Variants in NUP153 observed in about 807,000 individuals in gnomAD.
NUP153 encodes nucleoporin 153.
A neutral mutation model predicts 134.6 loss-of-function variants in NUP153; 27 were observed. That is an observed-to-expected ratio of 0.20 (90% confidence interval 0.15 to 0.28). The LOEUF (loss-of-function observed/expected upper bound fraction) is 0.28, where lower values mean the gene tolerates loss of function less well. NUP153 is among the 10% of genes least tolerant of loss of function. NUP153 has a pLI of 1.00. For missense variants in NUP153, 1,821 were observed against 1,731.3 expected (o/e 1.05, Z -0.92); for synonymous variants, 640 against 623.5 (o/e 1.03, Z -0.40).
In NUP153 at chr6:17,688,510, C is replaced by T. The variant is rs773370651; in HGVS notation, c.220G>A (p.Glu74Lys). The T allele has an allele frequency of 1.5e-5, 24 of 1,613,996 alleles. No homozygotes were observed. Among genetic ancestry groups the T allele is most frequent in the East Asian group, 6.7e-5 (3 of 44,886 alleles). Residue 74 changes from glutamate (E) to lysine (K), a missense_variant, in exon 2 of 22, where the codon GAG (glutamate) becomes AAG (lysine). By Grantham distance (56) the Glu-to-Lys change is moderately conservative (BLOSUM62 1). Transcript: ENST00000262077. ...TTATTTTCTGGCCAGCGTGGAACCT[C>T]GCTTGTGTCTGTTGAACAGCTGCAT... ...DVCSCSTDTS[E>K]VPRWPENKED...
At chr6:17,620,098 A>C (rs1278037459) in intron 20 of NUP153, among the ~76,000 whole-genome samples, 20 of 102,838 alleles carry the variant, frequency 1.9e-4, no homozygotes, top group African/African-American at 7.2e-4. Context: ...ACACCATCAA[A>C]AAAAAAAAAA....
intron 11 of NUP153, among the ~76,000 whole-genome samples, chr6:17,658,462 T>C (rs532018881): frequency 6.6e-6 from 1 of 152,004 alleles, no homozygotes; most frequent in African/African-American, 2.4e-5. Context: ...AAAAACAAAG[T>C]TTGCAAAGGA....
chr6:17,635,083 A>G (rs568743866), intron 16 of NUP153, among the ~76,000 whole-genome samples: 122 of 148,994 alleles, frequency 8.2e-4, no homozygotes, highest in Non-Finnish European at 1.4e-3. Context: ...TGCAGCCCAC[A>G]GGTTGCACAG....
In NUP153 at chr6:17,625,229, C is replaced by T. The variant is rs1764868202; in HGVS notation, c.3902-396G>A. Among the ~76,000 whole-genome samples the T allele has an allele frequency of 6.6e-6, 1 of 152,118 alleles. No individual in the cohort carries two copies. The highest frequency in any genetic ancestry group is 1.5e-5 in the Non-Finnish European group (1 of 68,046). On this transcript the variant is annotated intron_variant, in intron 19 of 21. Transcript: ENST00000262077. This position sits in a 1 kb window ranked among gnomAD's most constrained non-coding sequence, Gnocchi z 4.7. Reference sequence around the variant, plus strand: ...ACTTCCAGTGTCTGGTTACTGACAACCTAACATTTTAAAAACAAAGCTTGG... The same window carrying T: ...ACTTCCAGTGTCTGGTTACTGACAATCTAACATTTTAAAAACAAAGCTTGG...
intron 11 of NUP153, chr6:17,652,008 C>T (rs1313416334): frequency 4.3e-6 from 2 of 462,752 alleles, no homozygotes; most frequent in Admixed American, 5.9e-5. Context: ...GGTGGCCACG[C>T]CACTGCACTC....
intron 20 of NUP153, among the ~76,000 whole-genome samples, chr6:17,617,344 G>A (rs1446242645): frequency 6.6e-6 from 1 of 152,034 alleles, no homozygotes; most frequent in Non-Finnish European, 1.5e-5. Flanking sequence ...AAGCTGGAAG[G>A]CTGACTAGAG....
At chr6:17,702,575 C>A (rs1770187567) in intron 1 of NUP153, among the ~76,000 whole-genome samples, 1 of 151,896 alleles carries the variant, frequency 6.6e-6, no homozygotes, top group South Asian at 2.1e-4. Context: ...ACTCGGGAGG[C>A]TGAGGCAGGA....
intron 2 of NUP153, among the ~76,000 whole-genome samples, chr6:17,677,691 A>G (rs1034623759): frequency 1.3e-5 from 2 of 150,446 alleles, no homozygotes; most frequent in African/African-American, 4.9e-5. Context: ...TTCTTCTTTT[A>G]GAGTGTCACA....
intron 1 of NUP153, among the ~76,000 whole-genome samples, chr6:17,701,160 G>C (rs1217424177): frequency 6.6e-6 from 1 of 151,910 alleles, no homozygotes; most frequent in African/African-American, 2.4e-5. Context: ...AGGAGGTGGA[G>C]GTTGCAGTGA....
chr6:17,675,157 A>G lies in NUP153; in HGVS notation c.723+72T>C. On this transcript the variant is annotated intron_variant, in intron 4 of 21. Coordinates refer to ENST00000262077, the MANE Select transcript of NUP153 (RefSeq NM_005124.4). This position sits in a 1 kb window ranked among gnomAD's most constrained non-coding sequence, Gnocchi z 4.4. ...AACAGCAAAAGACTCTTGTCTCAGA[A>G]AAAAAAAAAAAAATTATAAGCAATA... 3.0e-6 allele frequency: 4 copies of G among 1,332,270 alleles called. No homozygotes were observed. The African/African-American group carries it at 4.6e-5, about 15-fold the overall frequency. The allele number at this position is 1,332,270 out of a possible 1,614,324, so 82.5% of individuals were successfully genotyped here.
At chr6:17,678,983 T>C (rs1027862577) in intron 2 of NUP153, among the ~76,000 whole-genome samples, 4 of 150,962 alleles carry the variant, frequency 2.6e-5, no homozygotes, top group African/African-American at 9.7e-5. Flanking sequence ...ACAAATATTT[T>C]ACAGCTTAAG....
chr6:17,652,931 A>T (rs1766590634), intron 11 of NUP153, among the ~76,000 whole-genome samples: 2 of 152,048 alleles, frequency 1.3e-5, no homozygotes, highest in African/African-American at 4.8e-5. Flanking sequence ...AGGGAGACTG[A>T]GGTAGGAGAA....
intron 5 of NUP153, among the ~76,000 whole-genome samples, chr6:17,670,131 C>G (rs1477124676): frequency 6.1e-5 from 9 of 148,258 alleles, no homozygotes; most frequent in Non-Finnish European, 1.3e-4. Context: ...GTACTACACG[C>G]TAGCTTAAGC....
chr6:17,622,520 T>C (rs898198490), intron 20 of NUP153, among the ~76,000 whole-genome samples: 3 of 152,240 alleles, frequency 2.0e-5, no homozygotes, highest in African/African-American at 7.2e-5. Flanking sequence ...TACCTTGTTA[T>C]AGAACTGAGA....
chr6:17,634,400 C>T (rs745570393), intron 16 of NUP153, among the ~76,000 whole-genome samples: 4 of 152,036 alleles, frequency 2.6e-5, no homozygotes, highest in East Asian at 1.9e-4. Context: ...ACCCCAAATC[C>T]GTATCTCCAC....
At chr6:17,686,709 G>GA (rs915521011) in intron 2 of NUP153, among the ~76,000 whole-genome samples, 25 of 149,572 alleles carry the variant, frequency 1.7e-4, no homozygotes, top group Non-Finnish European at 3.1e-4. Context: ...CAGTACTATA[G>GA]AAAAAAAAAA....
chr6:17,688,300 G>A, intron 2 of NUP153, 96 bp downstream of exon 2: 1 of 838,342 alleles, frequency 1.2e-6, no homozygotes, highest in South Asian at 1.6e-5. Context: ...TATGGTTTAT[G>A]TACCGCCTGA....
Position 17,663,940 on chromosome 6 carries a change from A to AC in NUP153, c.1215+1298_1215+1299insG, listed in dbSNP as rs1491487608. ...GAAATAAAAACATGTCCACACACAC[A>AC]AACACACAAAAAAACACTTATACAT... On this transcript the variant is annotated intron_variant, in intron 9 of 21. Transcript: ENST00000262077. 5.7e-3 allele frequency among the ~76,000 whole-genome samples: 859 copies of AC among 150,104 alleles called. 6 individuals are homozygous for AC. The highest frequency in any genetic ancestry group is 0.024 in the South Asian group (115 of 4,748).
intron 2 of NUP153, among the ~76,000 whole-genome samples, chr6:17,684,808 A>C (rs1355348927): frequency 6.6e-6 from 1 of 152,186 alleles, no homozygotes; most frequent in Non-Finnish European, 1.5e-5. Context: ...ATACTGTCAG[A>C]GAATAGGGAG....
Sources: allele counts gnomAD v4.1 joint callset (sites outside exome capture counted in the v4.1 genomes callset), GRCh38; gene constraint gnomAD v4.1.1; non-coding constraint Gnocchi (gnomAD v3.1); transcripts MANE v1.5; gene names NCBI Gene and HGNC (gene_info 2026-07-23, HGNC 2026-07-21).